The following TMEM132C variants were observed in gnomAD, a reference collection of about 807,000 sequenced individuals.
TMEM132C encodes the protein protein phosphatase 1, regulatory subunit 152.
A neutral mutation model predicts 61.4 loss-of-function variants in TMEM132C; 29 were observed. That is an observed-to-expected ratio of 0.47 (90% CI 0.35 to 0.64). The LOEUF is 0.64. Ranked by LOEUF, TMEM132C falls within the 30% of genes least tolerant of loss-of-function variation. The pLI, the probability that TMEM132C is intolerant of heterozygous loss-of-function variation, is 0.00. For missense variants in TMEM132C, 1,408 were observed against 1,476.9 expected, an observed-to-expected ratio of 0.95 and a Z score of 0.76; for synonymous variants, 656 against 633.1, an observed-to-expected ratio of 1.04 and a Z score of -0.54.
chr12:128,383,363 A>G (rs77046703), intron 1 of TMEM132C, among the ~76,000 whole-genome samples: 7,048 of 152,212 alleles, frequency 0.046, 238 homozygotes, highest in Non-Finnish European at 0.071. Context: ...ATTCACTTCC[A>G]CAAGCAGTGA....
In TMEM132C at chr12:128,577,422, G is replaced by GC. The variant is rs201403755; in HGVS notation, c.1121+33325dup. On this transcript the variant is annotated intron_variant, in intron 3 of 8. Transcript: ENST00000435159. The stretch of plus-strand genomic sequence containing the variant: ...TTTGTTCCCAGAGGTTCTGGCCATG[G>GC]CCCCCCTTGGGATAGGAGAACCTGG... 8.2e-3 allele frequency among the ~76,000 whole-genome samples: 1,251 copies of GC among 152,270 alleles called. 16 individuals carry two copies. The highest frequency in any genetic ancestry group is 0.029 in the African/African-American group (1,190 of 41,528).
At chr12:128,680,312 C>G (rs186892603) in intron 5 of TMEM132C, among the ~76,000 whole-genome samples, 1 of 152,310 alleles carries the variant, frequency 6.6e-6, no homozygotes, top group African/African-American at 2.4e-5. Flanking sequence ...AGCCGCACAG[C>G]TGATTAGTAG....
intron 1 of TMEM132C, among the ~76,000 whole-genome samples, chr12:128,377,869 C>T (rs907824243): frequency 1.3e-5 from 2 of 152,154 alleles, no homozygotes; most frequent in Non-Finnish European, 2.9e-5. Context: ...AGTGTGGGCT[C>T]CTTCCCCAGG....
chr12:128,571,829 G>T (rs1267905244), intron 3 of TMEM132C, among the ~76,000 whole-genome samples: 1 of 152,166 alleles, frequency 6.6e-6, no homozygotes, highest in Non-Finnish European at 1.5e-5. Context: ...TATTTTCTGT[G>T]CTGACTCCAC....
intron 1 of TMEM132C, among the ~76,000 whole-genome samples, chr12:128,376,129 GA>G (rs1193524608): frequency 1.3e-5 from 2 of 152,226 alleles, no homozygotes; most frequent in African/African-American, 4.8e-5. Flanking sequence ...TAATCATCAG[GA>G]AGCTGTAATC....
At chr12:128,600,460 C>T (rs1331854138) in intron 3 of TMEM132C, among the ~76,000 whole-genome samples, 1 of 152,190 alleles carries the variant, frequency 6.6e-6, no homozygotes, top group African/African-American at 2.4e-5. Flanking sequence ...ATTACCCAGT[C>T]TTGGGTATGT....
At chr12:128,582,000 C>T (rs61938632) in intron 3 of TMEM132C, among the ~76,000 whole-genome samples, 124 of 152,276 alleles carry the variant, frequency 8.1e-4, no homozygotes, top group South Asian at 3.5e-3. Context: ...CTGTGGCAGA[C>T]GAGGGGCCAG....
chr12:128,267,525 C>T, intron 1 of TMEM132C, 38 bp downstream of exon 1: 2 of 1,226,826 alleles, frequency 1.6e-6, no homozygotes, highest in South Asian at 3.5e-5. Flanking sequence ...CCGACGCATG[C>T]GAACTTCCCG....
chr12:128,415,331 T>C lies in TMEM132C; in HGVS notation c.685T>C (p.Tyr229His). Residue 229 changes from tyrosine to histidine, a missense_variant, in exon 2 of 9, where the codon TAC becomes CAC. By Grantham distance (83) the Tyr-to-His change is moderately conservative. Coordinates refer to ENST00000435159, the MANE Select transcript of TMEM132C (RefSeq NM_001136103.3). This position sits in a 1 kb window ranked among gnomAD's most constrained non-coding sequence, Gnocchi z 5.8. ...GCCGGAGGGGACCCCTGTGGAGCTC[T>C]ACTACACCGTGCACCCAGGAAACGA... ...DQPEGTPVEL[Y>H]YTVHPGNERG... is the part of the protein sequence containing the mutation. 6.3e-7 allele frequency: 1 copy of C among 1,587,364 alleles called. No individual in the cohort carries two copies. The highest frequency in any genetic ancestry group is 1.3e-5 in the African/African-American group (1 of 74,360).
At chr12:128,294,694 CTA>C (rs1313690154) in intron 1 of TMEM132C, among the ~76,000 whole-genome samples, 1 of 152,142 alleles carries the variant, frequency 6.6e-6, no homozygotes, top group African/African-American at 2.4e-5. Context: ...GGGCTTCTCC[CTA>C]TGTCCTCTCA....
intron 3 of TMEM132C, among the ~76,000 whole-genome samples, chr12:128,569,024 G>A (rs1400006557): frequency 6.6e-6 from 1 of 152,226 alleles, no homozygotes; most frequent in Non-Finnish European, 1.5e-5. Flanking sequence ...CTAGAGAGGA[G>A]AGGACACAGG....
chr12:128,302,701 G>T (rs980875327), intron 1 of TMEM132C, among the ~76,000 whole-genome samples: 4 of 152,224 alleles, frequency 2.6e-5, no homozygotes, highest in South Asian at 4.1e-4. Flanking sequence ...GGAGCAGCTT[G>T]TAAGGGAGGG....
At chr12:128,659,616 A>T (rs1010232224) in intron 4 of TMEM132C, among the ~76,000 whole-genome samples, 1 of 152,124 alleles carries the variant, frequency 6.6e-6, no homozygotes, top group African/African-American at 2.4e-5. Flanking sequence ...AGGGAAGAAA[A>T]TCCATGGATT....
intron 5 of TMEM132C, among the ~76,000 whole-genome samples, chr12:128,680,098 A>G (rs1400043261): frequency 6.6e-6 from 1 of 152,356 alleles, no homozygotes; most frequent in African/African-American, 2.4e-5. Context: ...GTTAAGATGC[A>G]TGAAATAGGC....
At chr12:128,652,918 C>T (rs1297865495) in intron 4 of TMEM132C, among the ~76,000 whole-genome samples, 3 of 152,228 alleles carry the variant, frequency 2.0e-5, no homozygotes, top group Non-Finnish European at 4.4e-5. Flanking sequence ...TCATAATGCA[C>T]TCCTAGGTGT....
rs1954740065 is a variant in TMEM132C, at chr12:128,694,152, C to G, written c.1655+118C>G. On this transcript the variant is annotated intron_variant, in intron 6 of 8. Transcript: ENST00000435159. ...GTATTGTCTCAGCAGTTGAATCTCC[C>G]CAGGGCTCCCAGATAACCCAGCCAG... 20 of 1,208,974 alleles carry G rather than the reference C, an allele frequency of 1.7e-5. No homozygotes were observed. The South Asian group carries it at 3.1e-4, about 19-fold the overall frequency. The allele number at this position is 1,208,974 out of a possible 1,614,324, so 74.9% of individuals were successfully genotyped here.
intron 5 of TMEM132C, among the ~76,000 whole-genome samples, chr12:128,673,442 T>C (rs2135633738): frequency 6.6e-6 from 1 of 152,320 alleles, no homozygotes; most frequent in African/African-American, 2.4e-5. Flanking sequence ...GCCACCTGAC[T>C]TACGGTATTC....
At position 128,695,867 on chromosome 12, in the gene TMEM132C, C is replaced by T. The variant is rs922523578; in HGVS notation, c.1693C>T (p.Arg565Trp). The T allele has an allele frequency of 6.5e-6, 10 of 1,547,176 alleles. No homozygotes were observed. The highest frequency in any genetic ancestry group is 3.9e-5 in the Admixed American group (2 of 50,924). ...GAGCGAGGATGAGGACGAGGAGGAG[C>T]GGCGGGGCCGGGGCTGCGCACTGCA... Reference protein sequence around the residue: ...RESEDEDEEERRGRGCALQYQ... With the variant: ...RESEDEDEEEWRGRGCALQYQ... The change falls in exon 7 of 9, where the codon CGG becomes TGG. Residue 565 changes from arginine to tryptophan, a missense_variant. Coordinates refer to ENST00000435159, the MANE Select transcript of TMEM132C (RefSeq NM_001136103.3).
intron 1 of TMEM132C, among the ~76,000 whole-genome samples, chr12:128,403,127 A>G (rs2136011837): frequency 6.6e-6 from 1 of 152,368 alleles, no homozygotes; most frequent in Admixed American, 6.5e-5. Context: ...TAATCCATTT[A>G]TCAAGGTGCC....
Sources: allele counts gnomAD v4.1 joint callset (sites outside exome capture counted in the v4.1 genomes callset), GRCh38; gene constraint gnomAD v4.1.1; non-coding constraint Gnocchi (gnomAD v3.1); transcripts MANE v1.5; gene names NCBI Gene and HGNC (gene_info 2026-07-23, HGNC 2026-07-21).